Variants in ATP9B observed in about 807,000 individuals in gnomAD.
ATP9B encodes the protein probable phospholipid-transporting ATPase IIB.
A neutral mutation model predicts 146.1 loss-of-function variants in ATP9B; 110 were observed. That is an observed-to-expected ratio of 0.75 (90% CI 0.65 to 0.88). The LOEUF is 0.88. Among genes scored for constraint, ATP9B ranks in the 40% least tolerant of loss-of-function variants. The pLI is 0.00. For missense variants in ATP9B, 1,499 were observed against 1,496.4 expected (o/e 1.00, Z -0.03); for synonymous variants, 604 against 569.7 (o/e 1.06, Z -0.86).
At position 79,096,535 on chromosome 18, in the gene ATP9B, A is replaced by G; in HGVS notation, c.179A>G (p.Glu60Gly). ...LDEMPLMMSE[E>G]GFENEESDYH... ...GAAATGCCACTAATGATGTCTGAAG[A>G]AGGCTTTGAGAATGAGGAAAGTGAT... The change falls in exon 2 of 30, where the codon GAA becomes GGA. Residue 60 changes from glutamate to glycine, a missense_variant. Transcript: ENST00000426216. 1.2e-6 allele frequency: 2 copies of G among 1,614,062 alleles called. No homozygotes were observed. Among genetic ancestry groups the G allele is most frequent in the East Asian group, 2.2e-5 (1 of 44,862 alleles).
intron 15 of ATP9B, among the ~76,000 whole-genome samples, chr18:79,307,666 G>C (rs767876169): frequency 6.6e-6 from 1 of 152,132 alleles, no homozygotes; most frequent in South Asian, 2.1e-4. Flanking sequence ...TTTCAATACA[G>C]GGCATTTATT....
At chr18:79,125,195 G>C (rs1250601243) in intron 4 of ATP9B, among the ~76,000 whole-genome samples, 2 of 152,154 alleles carry the variant, frequency 1.3e-5, no homozygotes, top group Admixed American at 1.3e-4. Flanking sequence ...GACTTGATGT[G>C]CTCAGGGAGA....
Position 79,231,780 on chromosome 18 carries a change from A to G in ATP9B, c.1107+17742A>G, listed in dbSNP as rs375268336. Among the ~76,000 whole-genome samples the G allele has an allele frequency of 2.2e-3, 178 of 81,030 alleles. 1 individual carries two copies. The highest frequency in any genetic ancestry group is 7.8e-3 in the East Asian group (27 of 3,470). The allele number at this position is 81,030 out of a possible 152,430, so 53.2% of individuals were successfully genotyped here. On this transcript the variant is annotated intron_variant, in intron 11 of 29. Transcript: ENST00000426216. ...AGATAAAGAAAATGTGTGTGTGTGT[A>G]TATATATATATATATATATATATAC...
chr18:79,258,579 C>T (rs1427137715), intron 12 of ATP9B, among the ~76,000 whole-genome samples: 1 of 152,220 alleles, frequency 6.6e-6, no homozygotes, highest in African/African-American at 2.4e-5. Flanking sequence ...AACACCCACA[C>T]CCCAGGTGAA....
At chr18:79,335,149 T>G (rs904463370) in intron 17 of ATP9B, among the ~76,000 whole-genome samples, 1 of 152,330 alleles carries the variant, frequency 6.6e-6, no homozygotes, top group East Asian at 1.9e-4. Context: ...TTCTCTCCGC[T>G]GGCTATGTGG....
rs551356307 is a variant in ATP9B, at chr18:79,175,868, A to G, written c.779-945A>G. On this transcript the variant is annotated intron_variant, in intron 7 of 29. Coordinates refer to ENST00000426216, the MANE Select transcript of ATP9B (RefSeq NM_198531.5). ...CACACACACAGATACACACATAGAT[A>G]CATATCCACACACAGATGAACATGC... 3.6e-4 allele frequency among the ~76,000 whole-genome samples: 55 copies of G among 152,366 alleles called. 1 individual carries two copies. Among genetic ancestry groups the G allele is most frequent in the African/African-American group, 1.2e-3 (50 of 41,588 alleles).
chr18:79,162,727 T>A (rs1032666237), intron 7 of ATP9B, among the ~76,000 whole-genome samples: 1 of 152,174 alleles, frequency 6.6e-6, no homozygotes, highest in African/African-American at 2.4e-5. Flanking sequence ...TGGCAGACAA[T>A]CTGGTATTAT....
At chr18:79,241,752 T>C (rs2095891079) in intron 11 of ATP9B, among the ~76,000 whole-genome samples, 1 of 152,258 alleles carries the variant, frequency 6.6e-6, no homozygotes, top group Non-Finnish European at 1.5e-5. Context: ...TATTCTGATA[T>C]TAGTGTTGTG....
At chr18:79,187,445 G>A (rs2095318439) in intron 8 of ATP9B, among the ~76,000 whole-genome samples, 1 of 152,206 alleles carries the variant, frequency 6.6e-6, no homozygotes, top group Non-Finnish European at 1.5e-5. Context: ...CGCATGCTCT[G>A]CTGGCCAGAA....
rs907540967 is a variant in ATP9B, at chr18:79,323,096, G to A, written c.1774-6045G>A. On this transcript the variant is annotated intron_variant, in intron 15 of 29. Transcript: ENST00000426216. ...CCTCAAGCATTTATCGTTGCTTCGCGTTAGTAATCCTCCGTTTATCGTTGC... is the reference window on the plus strand; with the variant it reads ...CCTCAAGCATTTATCGTTGCTTCGCATTAGTAATCCTCCGTTTATCGTTGC... 6.6e-5 allele frequency among the ~76,000 whole-genome samples: 10 copies of A among 152,218 alleles called. 1 individual carries two copies. In the South Asian group the frequency reaches 8.3e-4, roughly 13 times the overall value.
At chr18:79,155,132 C>A (rs2094754894) in intron 7 of ATP9B, among the ~76,000 whole-genome samples, 1 of 152,124 alleles carries the variant, frequency 6.6e-6, no homozygotes, top group African/African-American at 2.4e-5. Context: ...ATGTACCAGG[C>A]ACTAATTGTT....
chr18:79,088,992 G>T (rs2074086232), intron 1 of ATP9B, among the ~76,000 whole-genome samples: 1 of 152,198 alleles, frequency 6.6e-6, no homozygotes, highest in South Asian at 2.1e-4. Flanking sequence ...TGAATGTTAA[G>T]AATTCTTTTT....
intron 10 of ATP9B, chr18:79,209,605 A>G (rs1054948068): frequency 6.2e-6 from 6 of 974,962 alleles, no homozygotes; most frequent in Non-Finnish European, 7.3e-6. Context: ...GAGGCATCGT[A>G]ACATGCCGGC....
chr18:79,246,000 C>T lies in ATP9B; in HGVS notation c.1108-7381C>T, dbSNP rs866486692. Among the ~76,000 whole-genome samples, 47 of 116,902 alleles carry T rather than the reference C, an allele frequency of 4.0e-4. 3 individuals are homozygous for T. Among genetic ancestry groups the T allele is most frequent in the African/African-American group, 1.7e-3 (44 of 25,670 alleles). The allele number at this position is 116,902 out of a possible 152,430, so 76.7% of individuals were successfully genotyped here. A position where few individuals can be genotyped will look rare whatever the true frequency, so the allele number is the denominator to read the frequency against. ...GGAGGGCACCGCCCTACTGTCTGTG[C>T]GGAGGGCACCGCCCTACTGACTGAG... On this transcript the variant is annotated intron_variant, in intron 11 of 29. Coordinates refer to ENST00000426216, the MANE Select transcript of ATP9B (RefSeq NM_198531.5).
chr18:79,167,082 G>C (rs980926053), intron 7 of ATP9B, among the ~76,000 whole-genome samples: 1 of 152,222 alleles, frequency 6.6e-6, no homozygotes, highest in African/African-American at 2.4e-5. Flanking sequence ...AGGAACCGCA[G>C]ATCCCCAAAG....
intron 7 of ATP9B, among the ~76,000 whole-genome samples, chr18:79,162,241 G>A (rs1006456967): frequency 6.6e-6 from 1 of 152,170 alleles, no homozygotes; most frequent in African/African-American, 2.4e-5. Context: ...AGTACAGCAT[G>A]GTGGGTTGCT....
chr18:79,181,551 T>G lies in ATP9B; in HGVS notation c.873+4644T>G, dbSNP rs1052384634. Among the ~76,000 whole-genome samples the G allele has an allele frequency of 7.4e-4, 112 of 152,210 alleles. 3 individuals carry two copies. Among genetic ancestry groups the G allele is most frequent in the Admixed American group, 7.3e-3 (111 of 15,278 alleles). ...TCAATGACATGGGAATATCAAGTGG[T>G]TAGATTCCCACATGCCATTGATGCT... is the stretch of plus-strand genomic sequence containing the variant. On this transcript the variant is annotated intron_variant, in intron 8 of 29. Coordinates refer to ENST00000426216, the MANE Select transcript of ATP9B (RefSeq NM_198531.5).
intron 7 of ATP9B, among the ~76,000 whole-genome samples, chr18:79,164,355 C>T (rs1433862204): frequency 1.3e-5 from 2 of 152,152 alleles, no homozygotes; most frequent in Non-Finnish European, 2.9e-5. Context: ...GTTCATGTCT[C>T]TGTATTTCCC....
intron 4 of ATP9B, 54 bp downstream of exon 4, chr18:79,113,408 T>A: frequency 8.8e-7 from 1 of 1,142,132 alleles, no homozygotes; most frequent in Non-Finnish European, 1.3e-6. Flanking sequence ...AGAATATAGT[T>A]TTAAGAGTTG....
Sources: gnomAD v4.1 joint callset for allele counts (sites outside exome capture counted in the v4.1 genomes callset) on GRCh38, gnomAD v4.1.1 for gene constraint, MANE v1.5 for transcripts, NCBI Gene and HGNC (gene_info 2026-07-23, HGNC 2026-07-21) for gene names.